SCMH1: variants seen among roughly 807,000 people sequenced by gnomAD.
SCMH1 encodes the protein polycomb protein SCMH1.
A neutral mutation model predicts 70.8 loss-of-function variants in SCMH1; 37 were observed. The observed-to-expected ratio is 0.52, with a 90% CI of 0.40 to 0.69. The LOEUF is 0.69. Ranked by LOEUF, SCMH1 falls within the 30% of genes least tolerant of loss-of-function variation. SCMH1 has a pLI of 0.00. For missense variants in SCMH1, 607 were observed against 827.3 expected (o/e 0.73, Z 3.27); for synonymous variants, 292 against 307.4 (o/e 0.95, Z 0.52).
At chr1:41,087,302 T>C (rs1558759568) in intron 8 of SCMH1, among the ~76,000 whole-genome samples, 1 of 152,066 alleles carries the variant, frequency 6.6e-6, no homozygotes, top group Non-Finnish European at 1.5e-5. Flanking sequence ...TGAATTCCTA[T>C]AATGAAAGGT....
chr1:41,163,837 A>G (rs532739583), intron 2 of SCMH1, among the ~76,000 whole-genome samples: 35 of 152,294 alleles, frequency 2.3e-4, no homozygotes, highest in African/African-American at 7.2e-4. Flanking sequence ...AAAAAAACAT[A>G]TAAGTAAACA....
At chr1:41,227,856 T>C (rs1660566961) in intron 1 of SCMH1, among the ~76,000 whole-genome samples, 1 of 152,104 alleles carries the variant, frequency 6.6e-6, no homozygotes, top group African/African-American at 2.4e-5. Flanking sequence ...TGTGCACCTG[T>C]AATCCCAGCT....
At chr1:41,117,434 G>A (rs1019126259) in intron 6 of SCMH1, among the ~76,000 whole-genome samples, 6 of 152,154 alleles carry the variant, frequency 3.9e-5, no homozygotes, top group African/African-American at 7.2e-5. Context: ...CAAGCGGACC[G>A]TGGTCTAGTG....
chr1:41,060,846 G>C (rs1652372403), intron 10 of SCMH1, among the ~76,000 whole-genome samples: 1 of 151,958 alleles, frequency 6.6e-6, no homozygotes, highest in Non-Finnish European at 1.5e-5. Context: ...GAGAAGTCTT[G>C]CTACATTGTT....
intron 1 of SCMH1, among the ~76,000 whole-genome samples, chr1:41,197,014 T>C (rs905415413): frequency 3.9e-5 from 6 of 152,148 alleles, no homozygotes; most frequent in African/African-American, 1.4e-4. Flanking sequence ...TTCACACTTA[T>C]TAGTATGGCT....
intron 2 of SCMH1, among the ~76,000 whole-genome samples, chr1:41,184,896 A>G (rs1649758390): frequency 6.6e-6 from 1 of 152,192 alleles, no homozygotes; most frequent in South Asian, 2.1e-4. Context: ...TTATAGTAGC[A>G]ACTATCTATA....
At chr1:41,230,838 T>C (rs1334644068) in intron 1 of SCMH1, among the ~76,000 whole-genome samples, 1 of 152,062 alleles carries the variant, frequency 6.6e-6, no homozygotes, top group African/African-American at 2.4e-5. Context: ...TTCAATATAA[T>C]TTTTTTGGCA....
intron 6 of SCMH1, 21 bp downstream of exon 6, chr1:41,142,857 A>C (rs113954665): frequency 6.3e-7 from 1 of 1,584,692 alleles, no homozygotes; most frequent in East Asian, 2.2e-5. Context: ...GGCTAGAAAG[A>C]GTTTGGGTTT....
At chr1:41,038,750 T>G (rs183792094) in intron 12 of SCMH1, among the ~76,000 whole-genome samples, 1 of 152,282 alleles carries the variant, frequency 6.6e-6, no homozygotes, top group Non-Finnish European at 1.5e-5. Flanking sequence ...TCCCACCTCC[T>G]TCTGCAGATG....
intron 13 of SCMH1, among the ~76,000 whole-genome samples, chr1:41,032,657 T>C (rs968598137): frequency 6.6e-6 from 1 of 152,016 alleles, no homozygotes; most frequent in African/African-American, 2.4e-5. Context: ...GGTAACAGAC[T>C]TCAGGGGGAC....
chr1:41,081,145 C>G (rs1486946398), intron 8 of SCMH1, among the ~76,000 whole-genome samples: 1 of 152,036 alleles, frequency 6.6e-6, no homozygotes, highest in African/African-American at 2.4e-5. Flanking sequence ...TCCACAAAAT[C>G]AAATAACATC....
chr1:41,069,379 A>G (rs1011928824), intron 10 of SCMH1, among the ~76,000 whole-genome samples: 1 of 152,182 alleles, frequency 6.6e-6, no homozygotes, highest in African/African-American at 2.4e-5. Context: ...GAGGTAAATA[A>G]AAACGTCAGT....
intron 1 of SCMH1, among the ~76,000 whole-genome samples, chr1:41,190,984 C>T (rs1019766695): frequency 6.6e-6 from 1 of 152,206 alleles, no homozygotes; most frequent in African/African-American, 2.4e-5. Flanking sequence ...ACGCAATCCT[C>T]CCACCTCAGC....
At chr1:41,203,854 A>T (rs1236349203) in intron 1 of SCMH1, among the ~76,000 whole-genome samples, 2 of 152,214 alleles carry the variant, frequency 1.3e-5, no homozygotes, top group Admixed American at 1.3e-4. Context: ...AATGCTAATG[A>T]CTGGCTTGCT....
intron 6 of SCMH1, among the ~76,000 whole-genome samples, chr1:41,134,751 C>T (rs1642995878): frequency 6.6e-6 from 1 of 152,138 alleles, no homozygotes; most frequent in Admixed American, 6.5e-5. Flanking sequence ...TTTTCCCTCA[C>T]CCCTTACCTG....
chr1:41,066,638 A>AT (rs1335188834), intron 10 of SCMH1, among the ~76,000 whole-genome samples: 4 of 151,994 alleles, frequency 2.6e-5, no homozygotes, highest in Non-Finnish European at 5.9e-5. Context: ...CAGTGGTGTG[A>AT]TTTTGGCTCA....
chr1:41,225,037 TG>T (rs1659995897), intron 1 of SCMH1, among the ~76,000 whole-genome samples: 1 of 152,148 alleles, frequency 6.6e-6, no homozygotes, highest in Admixed American at 6.6e-5. Flanking sequence ...CTCATAAAAC[TG>T]AAAGAGCAGA....
intron 4 of SCMH1, among the ~76,000 whole-genome samples, chr1:41,154,605 C>T (rs1002623294): frequency 2.6e-5 from 4 of 152,132 alleles, no homozygotes; most frequent in African/African-American, 4.8e-5. Flanking sequence ...CATTAATAAA[C>T]ATAACACAAA....
intron 3 of SCMH1, 72 bp from the exon 4 acceptor site, chr1:41,160,970 T>C (rs1645969516): frequency 1.4e-6 from 2 of 1,390,000 alleles, no homozygotes; most frequent in Non-Finnish European, 2.0e-6. Flanking sequence ...GGTGAAATTC[T>C]GGGGTAAAAT....
Sources: allele counts gnomAD v4.1 joint callset (sites outside exome capture counted in the v4.1 genomes callset), GRCh38; gene constraint gnomAD v4.1.1; transcripts MANE v1.5; gene names NCBI Gene and HGNC (gene_info 2026-07-23, HGNC 2026-07-21).